Variants in CLCA4 observed in about 807,000 individuals in gnomAD.
The protein encoded by CLCA4 is chloride channel accessory 4, also known as calcium-activated chloride channel regulator 4.
CLCA4 carries 69 observed loss-of-function variants against 78.9 expected under a neutral mutation model. That is an observed-to-expected ratio of 0.87 (90% CI 0.72 to 1.07). The LOEUF (loss-of-function observed/expected upper bound fraction) is 1.07. Ranked by LOEUF, CLCA4 falls within the 50% of genes least tolerant of loss-of-function variation. The pLI is 0.00. For synonymous variants in CLCA4, 362 were observed against 375.8 expected, an observed-to-expected ratio of 0.96 and a Z score of 0.42; for missense variants, 1,133 against 1,095.8, an observed-to-expected ratio of 1.03 and a Z score of -0.48.
intron 1 of CLCA4, among the ~76,000 whole-genome samples, chr1:86,558,397 G>A (rs1649912401): frequency 6.6e-6 from 1 of 152,096 alleles, no homozygotes; most frequent in Non-Finnish European, 1.5e-5. Context: ...AGGCAGGTCT[G>A]GTGGTAATGA....
At chr1:86,575,242 C>A in intron 10 of CLCA4, 90 bp from the exon 11 acceptor site, 1 of 1,115,762 alleles carries the variant, frequency 9.0e-7, no homozygotes, top group Admixed American at 2.2e-5. Context: ...ATTCTCTCCC[C>A]ATTATATAAT....
intron 12 of CLCA4, among the ~76,000 whole-genome samples, chr1:86,578,508 A>G (rs1298667000): frequency 1.3e-5 from 2 of 151,978 alleles, no homozygotes; most frequent in African/African-American, 4.8e-5. Flanking sequence ...CTTTGTGTCC[A>G]TGAATTCTCA....
Position 86,563,689 on chromosome 1 carries a change from C to T in CLCA4, c.477C>T (p.His159=). 2 of 1,600,046 alleles carry T rather than the reference C, an allele frequency of 1.2e-6. No homozygotes were observed. The highest frequency in any genetic ancestry group is 1.7e-6 in the Non-Finnish European group (2 of 1,172,508). ...PGKLFVHEWA[H]LRWGVFDEYN... ...AACTGTTTGTCCATGAGTGGGCTCA[C>T]CTCCGGTGGGGAGTGTTTGATGAGT... Residue 159 remains histidine (H), a synonymous_variant, in exon 4 of 14, where the codon CAC becomes CAT. Coordinates refer to ENST00000370563, the MANE Select transcript of CLCA4 (RefSeq NM_012128.4).
intron 4 of CLCA4, 145 bp downstream of exon 4, chr1:86,563,914 A>G (rs1372159090): frequency 3.9e-6 from 2 of 515,498 alleles, no homozygotes; most frequent in Admixed American, 3.9e-5. Flanking sequence ...TGTATCTTTA[A>G]GTAGTTGATT....
At chr1:86,566,441 T>C (rs901785356) in intron 6 of CLCA4, among the ~76,000 whole-genome samples, 1 of 152,044 alleles carries the variant, frequency 6.6e-6, no homozygotes, top group Non-Finnish European at 1.5e-5. Flanking sequence ...GTTAATCACA[T>C]AGGAGTAATC....
chr1:86,560,144 G>A lies in CLCA4; in HGVS notation c.301-67G>A, dbSNP rs562325497. The A allele has an allele frequency of 8.3e-5, 129 of 1,560,342 alleles. No homozygotes were observed. In the Admixed American group the frequency reaches 1.1e-3, roughly 13 times the overall value. ...ACCATTTTTGCCACAAATTATTTAA[G>A]AGTCTTTCTAACTGAATATTATCTT... is the stretch of plus-strand genomic sequence containing the variant. On this transcript the variant is annotated intron_variant, in intron 2 of 13. Transcript: ENST00000370563.
At chr1:86,557,289 A>G (rs1649879907) in intron 1 of CLCA4, among the ~76,000 whole-genome samples, 1 of 151,714 alleles carries the variant, frequency 6.6e-6, no homozygotes, top group South Asian at 2.1e-4. Flanking sequence ...TAATTCCTTC[A>G]GTTGTAATGT....
Position 86,565,925 on chromosome 1 carries a change from C to G in CLCA4, c.859C>G (p.Pro287Ala), listed in dbSNP as rs952121137. Residue 287 changes from proline to alanine, a missense_variant, in exon 6 of 14, where the codon CCC becomes GCC. Transcript: ENST00000370563. ...TTCTGAGGATTTTAAAAACACCATA[C>G]CCATGGTGACACCACCTCCTCCACC... ...SNSEDFKNTI[P>A]MVTPPPPPVF... is the part of the protein sequence containing the mutation. 6.2e-7 allele frequency: 1 copy of G among 1,612,932 alleles called. No individual in the cohort carries two copies.
chr1:86,579,082 T>C (rs1004090239), intron 12 of CLCA4, among the ~76,000 whole-genome samples: 4 of 152,018 alleles, frequency 2.6e-5, no homozygotes, highest in South Asian at 2.1e-4. Flanking sequence ...CAATTCCTTT[T>C]TTAAAAAGGC....
intron 6 of CLCA4, among the ~76,000 whole-genome samples, chr1:86,566,954 T>C (rs1180457843): frequency 1.3e-5 from 2 of 152,018 alleles, no homozygotes; most frequent in Non-Finnish European, 2.9e-5. Flanking sequence ...AAAATGAAGC[T>C]TGGGTAAGTA....
chr1:86,547,078 G>T lies in CLCA4; in HGVS notation c.-42G>T. Reference sequence around the variant, plus strand: ...AAGAGAAAGAAAAGAAAAGCCTCTTGAACAAACCAACATTTGAGCCAGGAA... The same window carrying T: ...AAGAGAAAGAAAAGAAAAGCCTCTTTAACAAACCAACATTTGAGCCAGGAA... On this transcript the variant is annotated 5_prime_UTR_variant, in exon 1 of 14. Coordinates refer to ENST00000370563, the MANE Select transcript of CLCA4 (RefSeq NM_012128.4). 6.4e-7 allele frequency: 1 copy of T among 1,574,644 alleles called. No homozygotes were observed. The highest frequency in any genetic ancestry group is 1.2e-5 in the South Asian group (1 of 82,568).
intron 1 of CLCA4, among the ~76,000 whole-genome samples, chr1:86,558,721 A>T (rs374995522): frequency 1.3e-5 from 2 of 151,942 alleles, no homozygotes; most frequent in Non-Finnish European, 2.9e-5. Context: ...ATCAGATCAC[A>T]TGAGAACTTA....
intron 1 of CLCA4, chr1:86,552,854 C>T (rs528853848): frequency 1.3e-6 from 1 of 761,554 alleles, no homozygotes; most frequent in Non-Finnish European, 2.3e-6. Flanking sequence ...TCATATATAT[C>T]TGATCGAGTG....
chr1:86,575,629 A>T, intron 11 of CLCA4, 30 bp downstream of exon 11: 5 of 1,596,120 alleles, frequency 3.1e-6, no homozygotes, highest in Admixed American at 1.7e-5. Flanking sequence ...GAATAAGCCA[A>T]TATTTTCCTA....
intron 1 of CLCA4, among the ~76,000 whole-genome samples, chr1:86,559,664 C>G (rs1649954453): frequency 6.6e-6 from 1 of 152,142 alleles, no homozygotes; most frequent in Admixed American, 6.6e-5. Context: ...TGTACATATT[C>G]CTATTAATCA....
chr1:86,575,329 T>C lies in CLCA4; in HGVS notation c.1684-3T>C. 2 of 1,610,438 alleles carry C rather than the reference T, an allele frequency of 1.2e-6. No homozygotes were observed. The highest frequency in any genetic ancestry group is 1.3e-5 in the African/African-American group (1 of 74,848). On this transcript the variant is annotated splice_polypyrimidine_tract_variant and splice_region_variant and intron_variant, in intron 10 of 13. Transcript: ENST00000370563. ...CTTACTATATTTCTGTTGAAACTTTTAGGTGGGCACTTGGGCATACAATCT... is the reference window on the plus strand; with the variant it reads ...CTTACTATATTTCTGTTGAAACTTTCAGGTGGGCACTTGGGCATACAATCT...
intron 1 of CLCA4, among the ~76,000 whole-genome samples, chr1:86,555,067 T>A (rs1315905636): frequency 6.6e-6 from 1 of 152,196 alleles, no homozygotes; most frequent in Non-Finnish European, 1.5e-5. Context: ...TGTTTTTCTC[T>A]TGTAAATTTG....
In CLCA4 at chr1:86,574,584, C is replaced by T. The variant is rs942081333; in HGVS notation, c.1512C>T (p.Asn504=). Residue 504 remains asparagine (N), a synonymous_variant, in exon 10 of 14, where the codon AAC becomes AAT. Transcript: ENST00000370563. ...GLTLNSNAWM[N]DTVIIDSTVG... is the part of the protein sequence containing the mutation. ...CACTGAATAGTAATGCCTGGATGAACGACACTGTCATAATTGATAGTACAG... is the reference window on the plus strand; with the variant it reads ...CACTGAATAGTAATGCCTGGATGAATGACACTGTCATAATTGATAGTACAG... The T allele has an allele frequency of 1.8e-5, 29 of 1,613,032 alleles. No homozygotes were observed. The highest frequency in any genetic ancestry group is 4.4e-5 in the South Asian group (4 of 91,046).
At chr1:86,563,882 G>A (rs1318344142) in intron 4 of CLCA4, 113 bp downstream of exon 4, 1 of 516,244 alleles carries the variant, frequency 1.9e-6, no homozygotes, top group African/African-American at 2.0e-5. Flanking sequence ...ACAAAACAAT[G>A]CTTTTATTTT....
Sources: allele counts gnomAD v4.1 joint callset (sites outside exome capture counted in the v4.1 genomes callset), GRCh38; gene constraint gnomAD v4.1.1; transcripts MANE v1.5; gene names NCBI Gene and HGNC (gene_info 2026-07-23, HGNC 2026-07-21).